Variants in PLAC1 observed in about 807,000 individuals in gnomAD.
PLAC1 encodes placenta-specific protein 1.
For missense variants in PLAC1, 136 were observed against 163.2 expected, an observed-to-expected ratio of 0.83 and a Z score of 0.91; for synonymous variants, 68 against 62.1, an observed-to-expected ratio of 1.09 and a Z score of -0.44.
At chrX:134,634,240 C>T (rs1255070065) in intron 1 of PLAC1, among the ~76,000 whole-genome samples, 2 of 112,063 alleles carry the variant, frequency 1.8e-5, no homozygotes, top group Non-Finnish European at 3.8e-5. Flanking sequence ...ATTTTGAAGC[C>T]TGAGAAGAGC....
intron 2 of PLAC1, among the ~76,000 whole-genome samples, chrX:134,726,955 C>T (rs1190846312): frequency 1.8e-5 from 2 of 110,620 alleles, no homozygotes; most frequent in African/African-American, 3.3e-5. Flanking sequence ...ACCTCCCTTT[C>T]CCCCTTTCTC....
intron 1 of PLAC1, among the ~76,000 whole-genome samples, chrX:134,759,212 G>A (rs1251880135): frequency 2.7e-5 from 3 of 109,952 alleles, no homozygotes; most frequent in African/African-American, 1.0e-4. Flanking sequence ...GTGCAGTGGT[G>A]CAATCTCAGC....
intron 1 of PLAC1, among the ~76,000 whole-genome samples, chrX:134,751,396 A>G: frequency 9.1e-6 from 1 of 110,245 alleles, no homozygotes; most frequent in Non-Finnish European, 1.9e-5. Flanking sequence ...AACAACAACA[A>G]CATCAACAAC....
intron 1 of PLAC1, among the ~76,000 whole-genome samples, chrX:134,615,930 T>TA (rs1330150198): frequency 1.8e-5 from 2 of 111,015 alleles, no homozygotes; most frequent in African/African-American, 6.6e-5. Flanking sequence ...TCTATTGGTC[T>TA]ATGTGTTTTT....
intron 2 of PLAC1, among the ~76,000 whole-genome samples, chrX:134,706,086 A>T (rs1212914573): frequency 1.8e-5 from 2 of 112,416 alleles, no homozygotes; most frequent in East Asian, 2.8e-4. Context: ...AGACAAAAAA[A>T]ATCCCCAACA....
At position 134,759,085 on chromosome X, in the gene PLAC1, C is replaced by G. The variant is rs182414671; in HGVS notation, n.89+5149G>C. Among the ~76,000 whole-genome samples the G allele has an allele frequency of 3.8e-3, 427 of 111,449 alleles. 1 individual carries two copies. Among genetic ancestry groups the G allele is most frequent in the African/African-American group, 0.013 (388 of 30,695 alleles). ...AACCACAATGAGATATCATCTTACC[C>G]CAGTCAGAATGGCTACTACTGAAAA... On this transcript the variant is annotated intron_variant and non_coding_transcript_variant, in intron 1 of 2. Transcript: ENST00000466797.
intron 2 of PLAC1, among the ~76,000 whole-genome samples, chrX:134,598,880 A>G (rs2078074754): frequency 9.0e-6 from 1 of 111,617 alleles, no homozygotes; most frequent in Non-Finnish European, 1.9e-5. Context: ...TTAGCAAAAC[A>G]TCCAAGCACA....
chrX:134,678,447 G>A (rs779728961), intron 2 of PLAC1, among the ~76,000 whole-genome samples: 73 of 111,262 alleles, frequency 6.6e-4, no homozygotes, highest in African/African-American at 2.3e-3. Flanking sequence ...CCAGTGCTTC[G>A]GTTCTCTACC....
chrX:134,666,407 C>G (rs1050225253), intron 2 of PLAC1, among the ~76,000 whole-genome samples: 1 of 110,571 alleles, frequency 9.0e-6, no homozygotes, highest in African/African-American at 3.3e-5. Flanking sequence ...AAAGAAGATG[C>G]AAGCAAGAGC....
intron 2 of PLAC1, among the ~76,000 whole-genome samples, chrX:134,583,811 A>C (rs1366217398): frequency 9.0e-6 from 1 of 110,710 alleles, no homozygotes; most frequent in East Asian, 2.9e-4. Context: ...TTCCTGGCGC[A>C]GATGTCTCCT....
At chrX:134,589,726 CAAA>C (rs11319611) in intron 2 of PLAC1, among the ~76,000 whole-genome samples, 20 of 73,661 alleles carry the variant, frequency 2.7e-4, no homozygotes, top group African/African-American at 6.6e-4. Flanking sequence ...GACTCTGTCT[CAAA>C]AAAAAAAAAA....
chrX:134,702,004 G>A (rs2078585141), intron 2 of PLAC1, among the ~76,000 whole-genome samples: 7 of 112,060 alleles, frequency 6.2e-5, no homozygotes, highest in Admixed American at 4.7e-4. Flanking sequence ...GGGTGATGGA[G>A]TGAGACTCTA....
At chrX:134,707,146 T>A (rs1263752032) in intron 2 of PLAC1, among the ~76,000 whole-genome samples, 1 of 111,595 alleles carries the variant, frequency 9.0e-6, no homozygotes, top group African/African-American at 3.3e-5. Flanking sequence ...TCAAAATCTG[T>A]GGAGGTTACA....
At chrX:134,684,165 G>A (rs757696785) in intron 2 of PLAC1, among the ~76,000 whole-genome samples, 1 of 111,210 alleles carries the variant, frequency 9.0e-6, no homozygotes, top group Admixed American at 9.6e-5. Context: ...GCTTACCAAA[G>A]TCTCAATCAA....
Position 134,763,824 on chromosome X carries a change from AAAAGAAAGAAAGAAAG to A in PLAC1, n.89+394_89+409del, listed in dbSNP as rs58989876. Among the ~76,000 whole-genome samples the A allele has an allele frequency of 7.2e-4, 65 of 90,508 alleles. 1 individual carries two copies. In the East Asian group the frequency reaches 0.011, roughly 16 times the overall value. The allele number at this position is 90,508 out of a possible 115,157, so 78.6% of individuals were successfully genotyped here. ...CAACAAGAAAGAAACTCCGAAAAAA[AAAAGAAAGAAAGAAAG>A]AAAGAAAGAAAGAAAGAAAGAGAAA... On this transcript the variant is annotated intron_variant and non_coding_transcript_variant, in intron 1 of 2. Coordinates refer to the PLAC1 transcript ENST00000466797.
intron 1 of PLAC1, among the ~76,000 whole-genome samples, chrX:134,761,233 C>T (rs955280084): frequency 5.4e-5 from 6 of 111,401 alleles, no homozygotes; most frequent in African/African-American, 2.0e-4. Flanking sequence ...AAACTTTCTC[C>T]GTAAGAATGC....
intron 2 of PLAC1, among the ~76,000 whole-genome samples, chrX:134,705,715 T>C (rs952775812): frequency 1.4e-4 from 16 of 111,817 alleles, no homozygotes; most frequent in South Asian, 7.5e-4. Flanking sequence ...TTCCATTCAC[T>C]GAATTAACAC....
At chrX:134,650,225 A>G (rs1367255302) in intron 1 of PLAC1, among the ~76,000 whole-genome samples, 1 of 112,329 alleles carries the variant, frequency 8.9e-6, no homozygotes, top group Non-Finnish European at 1.9e-5. Context: ...CATGTCATGT[A>G]AAACTTTGAT....
intron 2 of PLAC1, among the ~76,000 whole-genome samples, chrX:134,585,725 A>G (rs1056979728): frequency 9.0e-6 from 1 of 110,534 alleles, no homozygotes; most frequent in Non-Finnish European, 1.9e-5. Context: ...CAGGAATGGG[A>G]CTATTTCTAT....
Sources: allele counts gnomAD v4.1 joint callset (sites outside exome capture counted in the v4.1 genomes callset), GRCh38; gene constraint gnomAD v4.1.1; transcripts MANE v1.5; gene names NCBI Gene and HGNC (gene_info 2026-07-23, HGNC 2026-07-21).